Variants in ADK observed in about 807,000 individuals in gnomAD.
ADK encodes the protein N6,N6-dimethyladenosine kinase.
In ADK, 24 loss-of-function variants were observed where a neutral mutation model predicts 44.7. The ratio of observed to expected loss-of-function variants is 0.54; its 90% confidence interval spans 0.39 to 0.76. The LOEUF (loss-of-function observed/expected upper bound fraction) is 0.76. Ranked by LOEUF, ADK falls within the 30% of genes least tolerant of loss-of-function variation. The pLI, the probability that ADK is intolerant of heterozygous loss-of-function variation, is 0.00. For missense variants in ADK, 321 were observed against 425.1 expected (o/e 0.76, Z 2.15); for synonymous variants, 128 against 142.6 (o/e 0.90, Z 0.73).
In ADK at chr10:74,657,198, A is replaced by G. The variant is rs1275360438; in HGVS notation, c.878-12985A>G. Among the ~76,000 whole-genome samples, 5 of 152,136 alleles carry G rather than the reference A, an allele frequency of 3.3e-5. No homozygotes were observed. The South Asian group carries it at 8.3e-4, about 25-fold the overall frequency. Reference sequence around the variant, plus strand: ...AGCCACTGCACGTGGTCAGCCTTCTATCTTTAAACAGGATCTGAATCTAGA... The same window carrying G: ...AGCCACTGCACGTGGTCAGCCTTCTGTCTTTAAACAGGATCTGAATCTAGA... On this transcript the variant is annotated intron_variant, in intron 9 of 10. Transcript: ENST00000539909.
chr10:74,692,503 A>G (rs1856029337), intron 10 of ADK, among the ~76,000 whole-genome samples: 1 of 152,106 alleles, frequency 6.6e-6, no homozygotes, highest in Non-Finnish European at 1.5e-5. Flanking sequence ...AGAAAGAAGG[A>G]AAGAAATGAG....
At chr10:74,648,910 A>G (rs933760828) in intron 9 of ADK, among the ~76,000 whole-genome samples, 6 of 151,982 alleles carry the variant, frequency 3.9e-5, no homozygotes, top group Middle Eastern at 3.4e-3. Context: ...GTCAGGGCGC[A>G]GTGGCTCACA....
intron 9 of ADK, among the ~76,000 whole-genome samples, chr10:74,650,811 AG>A (rs1377900457): frequency 6.6e-6 from 1 of 152,220 alleles, no homozygotes; most frequent in Non-Finnish European, 1.5e-5. Flanking sequence ...ATCTGTGAAC[AG>A]GCCAAGTCTA....
At chr10:74,373,366 C>T (rs1419229137) in intron 4 of ADK, among the ~76,000 whole-genome samples, 1 of 151,960 alleles carries the variant, frequency 6.6e-6, no homozygotes, top group Non-Finnish European at 1.5e-5. Context: ...TTAAAGGACA[C>T]CATCAAGAAA....
At chr10:74,586,999 G>A (rs1312084828) in intron 7 of ADK, among the ~76,000 whole-genome samples, 2 of 151,948 alleles carry the variant, frequency 1.3e-5, no homozygotes, top group African/African-American at 4.8e-5. Context: ...TTTACTGTAT[G>A]TGAATTTTGA....
chr10:74,172,137 CTTTTTTTT>C (rs3998223), intron 1 of ADK, among the ~76,000 whole-genome samples: 4 of 122,690 alleles, frequency 3.3e-5, no homozygotes, highest in Non-Finnish European at 6.7e-5. Flanking sequence ...CATGGATTTT[CTTTTTTTT>C]TTTTTTTTTT....
At chr10:74,696,499 G>A (rs1253097376) in intron 10 of ADK, among the ~76,000 whole-genome samples, 5 of 151,164 alleles carry the variant, frequency 3.3e-5, no homozygotes, top group African/African-American at 1.2e-4. Context: ...CCGAGTAGCT[G>A]GGACTACAGG....
At chr10:74,668,175 A>G (rs1308547968) in intron 9 of ADK, among the ~76,000 whole-genome samples, 2 of 152,136 alleles carry the variant, frequency 1.3e-5, no homozygotes, top group Non-Finnish European at 2.9e-5. Flanking sequence ...ATTTCCCTGT[A>G]TAGTGTAGCT....
chr10:74,426,092 G>C (rs535237960), intron 6 of ADK, among the ~76,000 whole-genome samples: 1 of 152,062 alleles, frequency 6.6e-6, no homozygotes. Context: ...CATTTTATGT[G>C]CATGTATGTC....
chr10:74,221,907 C>T (rs1156747755), intron 2 of ADK, among the ~76,000 whole-genome samples: 1 of 151,986 alleles, frequency 6.6e-6, no homozygotes, highest in South Asian at 2.1e-4. Context: ...AGACCTAAAA[C>T]CATAAAAACC....
intron 4 of ADK, among the ~76,000 whole-genome samples, chr10:74,350,979 A>G (rs1035723210): frequency 4.6e-5 from 7 of 152,212 alleles, no homozygotes; most frequent in Non-Finnish European, 8.8e-5. Flanking sequence ...ACAGATTCAC[A>G]TCCGAATTCT....
At chr10:74,372,303 A>G in intron 4 of ADK, 1 of 758,716 alleles carries the variant, frequency 1.3e-6, no homozygotes, top group East Asian at 2.4e-5. Flanking sequence ...CTCTGCGCCT[A>G]TTCATCAGTT....
At chr10:74,200,903 T>C in intron 2 of ADK, 65 bp downstream of exon 2, 1 of 1,129,344 alleles carries the variant, frequency 8.9e-7, no homozygotes, top group African/African-American at 1.5e-5. Flanking sequence ...GGATGAAAAC[T>C]TTAGAAGTGA....
intron 7 of ADK, among the ~76,000 whole-genome samples, chr10:74,563,655 A>G (rs1850541842): frequency 6.6e-6 from 1 of 152,350 alleles, no homozygotes; most frequent in South Asian, 2.1e-4. Context: ...AAATAGATTT[A>G]AAAATATAGG....
At chr10:74,680,092 A>G (rs1855547443) in intron 10 of ADK, among the ~76,000 whole-genome samples, 1 of 152,192 alleles carries the variant, frequency 6.6e-6, no homozygotes, top group Non-Finnish European at 1.5e-5. Context: ...AGACGGGCAG[A>G]TCACGAGGTC....
intron 7 of ADK, among the ~76,000 whole-genome samples, chr10:74,563,812 A>G (rs149270895): frequency 2.6e-5 from 4 of 152,342 alleles, no homozygotes; most frequent in African/African-American, 9.6e-5. Flanking sequence ...AAGCACGTCT[A>G]GAAAACAACC....
intron 10 of ADK, among the ~76,000 whole-genome samples, chr10:74,695,393 T>A (rs1856139271): frequency 6.6e-6 from 1 of 152,208 alleles, no homozygotes; most frequent in African/African-American, 2.4e-5. Context: ...GTTTTCTTTA[T>A]TAGAGGCTGG....
chr10:74,415,760 C>T (rs1353825755), intron 6 of ADK, among the ~76,000 whole-genome samples: 1 of 152,002 alleles, frequency 6.6e-6, no homozygotes, highest in Non-Finnish European at 1.5e-5. Context: ...ATGCTCCATA[C>T]CCCCTGGATT....
chr10:74,576,124 C>T (rs77054978), intron 7 of ADK, among the ~76,000 whole-genome samples: 1,845 of 151,966 alleles, frequency 0.012, 43 homozygotes, highest in African/African-American at 0.042. Flanking sequence ...AAAAACTGAA[C>T]TTTTAGAGAA....
Sources: gnomAD v4.1 joint callset for allele counts (sites outside exome capture counted in the v4.1 genomes callset) on GRCh38, gnomAD v4.1.1 for gene constraint, MANE v1.5 for transcripts, NCBI Gene and HGNC (gene_info 2026-07-23, HGNC 2026-07-21) for gene names.